B3GAT2: variants seen among roughly 807,000 people sequenced by gnomAD.
B3GAT2 encodes galactosylgalactosylxylosylprotein 3-beta-glucuronosyltransferase 2.
In B3GAT2, 26 loss-of-function variants were observed where a neutral mutation model predicts 27.8. The observed-to-expected ratio is 0.93, with a 90% CI of 0.68 to 1.30. B3GAT2 has a LOEUF of 1.30. B3GAT2 is among the 50% of genes most tolerant of loss of function. The pLI is 0.00. For synonymous variants in B3GAT2, 218 were observed against 195.1 expected, an observed-to-expected ratio of 1.12 and a Z score of -0.98; for missense variants, 458 against 459.0, an observed-to-expected ratio of 1.00 and a Z score of 0.02.
At chr6:70,946,391 C>A (rs1176199912) in intron 1 of B3GAT2, among the ~76,000 whole-genome samples, 4 of 151,846 alleles carry the variant, frequency 2.6e-5, no homozygotes, top group African/African-American at 9.7e-5. Context: ...AGAAGATCTA[C>A]CAAGCAAATG....
At chr6:70,889,872 T>TC (rs1444985816) in intron 2 of B3GAT2, among the ~76,000 whole-genome samples, 3 of 151,168 alleles carry the variant, frequency 2.0e-5, no homozygotes, top group Non-Finnish European at 4.4e-5. Flanking sequence ...AACCTCCACC[T>TC]CCTGGTTCAA....
At chr6:70,882,584 G>A (rs1010912375) in intron 2 of B3GAT2, among the ~76,000 whole-genome samples, 1 of 152,182 alleles carries the variant, frequency 6.6e-6, no homozygotes, top group African/African-American at 2.4e-5. Flanking sequence ...TTAAAGAACA[G>A]TATTAACAGA....
chr6:70,856,921 A>G lies in B3GAT2; in HGVS notation c.*4742T>C, dbSNP rs1039635068. 22 of 1,613,956 alleles carry G rather than the reference A, an allele frequency of 1.4e-5. No homozygotes were observed. The highest frequency in any genetic ancestry group is 1.8e-5 in the Non-Finnish European group (21 of 1,179,850). ...CAGTAACATCTGGGGATCTAGATTT[A>G]TTCACTGAGCAAACTACAAAATCAG... On this transcript the variant is annotated 3_prime_UTR_variant, in exon 4 of 4. Transcript: ENST00000230053.
At position 70,956,175 on chromosome 6, in the gene B3GAT2, G is replaced by A; in HGVS notation, c.255C>T (p.Ile85=). The A allele has an allele frequency of 6.2e-7, 1 of 1,610,436 alleles. No individual in the cohort carries two copies. The highest frequency in any genetic ancestry group is 1.1e-5 in the South Asian group (1 of 90,608). The change falls in exon 1 of 4, where the codon ATC becomes ATT. Residue 85 remains isoleucine, a synonymous_variant. Coordinates refer to ENST00000230053, the MANE Select transcript of B3GAT2 (RefSeq NM_080742.3). ...GCACCGGGCGGCTGTAGGTGGGCGT[G>A]ATGGCATAGATGGTGGGCAGCTGCG... is the stretch of plus-strand genomic sequence containing the variant. The part of the protein sequence containing the change: ...PEPQLPTIYA[I]TPTYSRPVQK...
At chr6:70,884,174 T>TG (rs1562217917) in intron 2 of B3GAT2, among the ~76,000 whole-genome samples, 58 of 152,010 alleles carry the variant, frequency 3.8e-4, no homozygotes, top group African/African-American at 1.4e-3. Flanking sequence ...TATGGTCTCT[T>TG]TGCTCCTAGG....
intron 1 of B3GAT2, among the ~76,000 whole-genome samples, chr6:70,946,431 C>T (rs2150051475): frequency 6.6e-6 from 1 of 151,984 alleles, no homozygotes; most frequent in East Asian, 1.9e-4. Flanking sequence ...GGTTGCAATC[C>T]TAGTCTCTGA....
chr6:70,956,216 G>A lies in B3GAT2; in HGVS notation c.214C>T (p.Gln72Ter). The change falls in exon 1 of 4, where the codon CAG becomes TAG. Residue 72 changes from glutamine (Q) to a stop codon, truncating the protein, a stop_gained. Coordinates refer to ENST00000230053, the MANE Select transcript of B3GAT2 (RefSeq NM_080742.3). LOFTEE classifies it high-confidence loss of function. ...GTQKRNQSRPQPQPEPQLPTI... is the reference protein window; with the variant it reads ...GTQKRNQSRP ...GGCAGCTGCGGCTCCGGCTGTGGCT[G>A]CGGCCGAGACTGGTTGCGCTTTTGG... The A allele has an allele frequency of 6.2e-7, 1 of 1,612,400 alleles. No individual in the cohort carries two copies. Among genetic ancestry groups the A allele is most frequent in the Non-Finnish European group, 8.5e-7 (1 of 1,179,172 alleles).
intron 1 of B3GAT2, among the ~76,000 whole-genome samples, chr6:70,895,385 T>G (rs1467456838): frequency 6.6e-6 from 1 of 151,440 alleles, no homozygotes; most frequent in Non-Finnish European, 1.5e-5. Flanking sequence ...GATTTTCAAA[T>G]ACAATAGAAA....
chr6:70,916,669 G>A (rs530110239), intron 1 of B3GAT2, among the ~76,000 whole-genome samples: 170 of 152,178 alleles, frequency 1.1e-3, no homozygotes, highest in African/African-American at 1.8e-3. Context: ...GGTTTTTGTC[G>A]TTGGTTCTGT....
intron 1 of B3GAT2, among the ~76,000 whole-genome samples, chr6:70,950,465 A>T (rs1256320317): frequency 6.6e-6 from 1 of 152,152 alleles, no homozygotes; most frequent in African/African-American, 2.4e-5. Flanking sequence ...TGCTTTACTT[A>T]TTATAATGAT....
rs1005834798 is a variant in B3GAT2 at position 70,939,604 on chromosome 6, G to C, written c.591+16235C>G. Among the ~76,000 whole-genome samples, 3 of 151,740 alleles carry C rather than the reference G, an allele frequency of 2.0e-5. No homozygotes were observed. In the East Asian group the frequency reaches 5.8e-4, roughly 29 times the overall value. ...GAGTTCATGTCCTTTGCAGGGACAT[G>C]GATGAAATTGGAAATCATCATTCTC... On this transcript the variant is annotated intron_variant, in intron 1 of 3. Transcript: ENST00000230053.
At chr6:70,914,330 T>C (rs1190579701) in intron 1 of B3GAT2, among the ~76,000 whole-genome samples, 2 of 152,126 alleles carry the variant, frequency 1.3e-5, no homozygotes, top group African/African-American at 2.4e-5. Flanking sequence ...CCCCTCTCTG[T>C]GTCCACGTGT....
At chr6:70,901,094 T>C (rs1772491097) in intron 1 of B3GAT2, among the ~76,000 whole-genome samples, 1 of 152,190 alleles carries the variant, frequency 6.6e-6, no homozygotes, top group Non-Finnish European at 1.5e-5. Flanking sequence ...TCCCTAAACG[T>C]GATTTTCCAA....
intron 2 of B3GAT2, among the ~76,000 whole-genome samples, chr6:70,876,392 G>A (rs916260614): frequency 3.3e-5 from 5 of 152,202 alleles, no homozygotes; most frequent in South Asian, 2.1e-4. Flanking sequence ...ATAGTGTGGC[G>A]GGGAAGGACG....
intron 1 of B3GAT2, among the ~76,000 whole-genome samples, chr6:70,932,726 A>AT: frequency 6.6e-6 from 1 of 152,344 alleles, no homozygotes; most frequent in South Asian, 2.1e-4. Flanking sequence ...GGAATACTCA[A>AT]TTTTTGTTTC....
At chr6:70,952,386 T>A (rs1487794073) in intron 1 of B3GAT2, among the ~76,000 whole-genome samples, 2 of 152,186 alleles carry the variant, frequency 1.3e-5, no homozygotes, top group Non-Finnish European at 2.9e-5. Flanking sequence ...TCAATTGATT[T>A]CCAGAGGTGA....
intron 1 of B3GAT2, among the ~76,000 whole-genome samples, chr6:70,925,155 T>C (rs1772932357): frequency 6.6e-6 from 1 of 151,980 alleles, no homozygotes; most frequent in African/African-American, 2.4e-5. Flanking sequence ...AAACTATCCT[T>C]GAAAAAACCC....
chr6:70,955,147 A>C (rs1179350923), intron 1 of B3GAT2, among the ~76,000 whole-genome samples: 1 of 148,918 alleles, frequency 6.7e-6, no homozygotes, highest in Non-Finnish European at 1.5e-5. Flanking sequence ...AGGGCAGAAC[A>C]GTTTATTTTC....
intron 1 of B3GAT2, among the ~76,000 whole-genome samples, chr6:70,929,472 C>T (rs1009870596): frequency 2.0e-5 from 3 of 152,170 alleles, no homozygotes; most frequent in Non-Finnish European, 4.4e-5. Flanking sequence ...CCCAAAATCT[C>T]CTTAAGCTGA....
Sources: allele counts gnomAD v4.1 joint callset (sites outside exome capture counted in the v4.1 genomes callset), GRCh38; gene constraint gnomAD v4.1.1; transcripts MANE v1.5; gene names NCBI Gene and HGNC (gene_info 2026-07-23, HGNC 2026-07-21).